The following TMEM143 variants were observed in gnomAD, a reference collection of about 807,000 sequenced individuals.
TMEM143 encodes the protein transmembrane protein 143.
TMEM143 carries 45 observed loss-of-function variants against 40.3 expected under a neutral mutation model. The ratio of observed to expected loss-of-function variants is 1.12; its 90% CI spans 0.88 to 1.43. TMEM143 has a LOEUF of 1.43. Ranked by LOEUF, TMEM143 falls within the 40% of genes most tolerant of loss-of-function variation. TMEM143 has a pLI of 0.00. For synonymous variants in TMEM143, 299 were observed against 282.7 expected, an observed-to-expected ratio of 1.06 and a Z score of -0.58; for missense variants, 620 against 613.4, an observed-to-expected ratio of 1.01 and a Z score of -0.11.
intron 3 of TMEM143, among the ~76,000 whole-genome samples, chr19:48,354,389 C>T (rs566183533): frequency 2.3e-4 from 34 of 148,408 alleles, no homozygotes; most frequent in Non-Finnish European, 4.3e-4. Flanking sequence ...CTCAGCCTCC[C>T]GAGTAGCTGG....
intron 6 of TMEM143, among the ~76,000 whole-genome samples, chr19:48,341,751 A>G (rs905904092): frequency 2.0e-5 from 3 of 152,124 alleles, no homozygotes; most frequent in Admixed American, 1.3e-4. Flanking sequence ...AGAAGAGAGT[A>G]GAGTCAGATT....
At chr19:48,334,410 TTTTCTCTC>T (rs1176011703) in intron 6 of TMEM143, among the ~76,000 whole-genome samples, 9 of 120,716 alleles carry the variant, frequency 7.5e-5, no homozygotes, top group South Asian at 2.7e-4. Context: ...TTTTCTTTCT[TTTTCTCTC>T]TTTCTTTCTT....
Position 48,343,426 on chromosome 19 carries a change from A to G in TMEM143, c.590T>C (p.Val197Ala). The change falls in exon 5 of 8, where the codon GTC becomes GCC. Residue 197 changes from valine to alanine, a missense_variant. Transcript: ENST00000293261. ...GCCCAGGGCCCAGAAGTGAATGTAGACATACTGATCCAAATTTACTGTCAC... is the reference window on the plus strand; with the variant it reads ...GCCCAGGGCCCAGAAGTGAATGTAGGCATACTGATCCAAATTTACTGTCAC... ...VQVTVNLDQY[V>A]YIHFWALGQR... 6.3e-7 allele frequency: 1 copy of G among 1,585,418 alleles called. No homozygotes were observed. The highest frequency in any genetic ancestry group is 1.1e-5 in the South Asian group (1 of 87,096).
chr19:48,363,647 T>A (rs1220027291), intron 1 of TMEM143, 116 bp from the exon 2 acceptor site: 2 of 1,456,686 alleles, frequency 1.4e-6, no homozygotes, highest in African/African-American at 1.4e-5. Context: ...GCAGAGCCCA[T>A]CCGCTCGCCT....
In TMEM143 at chr19:48,333,486, C is replaced by A; in HGVS notation, c.1166-53G>T. The stretch of plus-strand genomic sequence containing the variant: ...GGTCACACTGAGATCGGGGAAGATT[C>A]GAGGGAGCAGCAAGGAGGGGCGTAG... On this transcript the variant is annotated intron_variant, in intron 7 of 7. Coordinates refer to ENST00000293261, the MANE Select transcript of TMEM143 (RefSeq NM_018273.4). The surrounding 1 kb of genome is among the most constrained non-coding windows in gnomAD (Gnocchi z 4.1). 2 of 1,315,738 alleles carry A rather than the reference C, an allele frequency of 1.5e-6. No homozygotes were observed. The highest frequency in any genetic ancestry group is 2.1e-6 in the Non-Finnish European group (2 of 941,750). The allele number at this position is 1,315,738 out of a possible 1,614,324, so 81.5% of individuals were successfully genotyped here.
chr19:48,351,323 A>G (rs971161700), intron 3 of TMEM143, among the ~76,000 whole-genome samples: 2 of 152,130 alleles, frequency 1.3e-5, no homozygotes, highest in Non-Finnish European at 2.9e-5. Flanking sequence ...TCGTGATGGT[A>G]ACACATTCAA....
rs910684143 is a variant in TMEM143 at position 48,348,299 on chromosome 19, C to T, written c.370-2945G>A. Among the ~76,000 whole-genome samples, 138 of 152,242 alleles carry T rather than the reference C, an allele frequency of 9.1e-4. 2 individuals are homozygous for T. The highest frequency in any genetic ancestry group is 4.3e-4 in the Non-Finnish European group (29 of 68,024). On this transcript the variant is annotated intron_variant, in intron 3 of 7. Transcript: ENST00000293261. ...TTGGGCCAAAAACCTGGACATTGCA[C>T]GTGATCCCTGTTGCTCCCTTCCCTG...
At position 48,334,174 on chromosome 19, in the gene TMEM143, C is replaced by T; in HGVS notation, c.999G>A (p.Ala333=). 6.2e-7 allele frequency: 1 copy of T among 1,604,558 alleles called. No homozygotes were observed. Among genetic ancestry groups the T allele is most frequent in the African/African-American group, 1.3e-5 (1 of 74,876 alleles). The stretch of plus-strand genomic sequence containing the variant: ...GCATGTGCGCCAGCTCCAACGCCTG[C>T]GCGCTGCGCCGCTGCCCGAACATCT... The part of the protein sequence containing the change: ...ASKMFGQRRS[A]QALELAHMLY... The change falls in exon 7 of 8, where the codon GCG becomes GCA. Residue 333 remains alanine, a synonymous_variant. Transcript: ENST00000293261.
chr19:48,333,159 T>A lies in TMEM143; in HGVS notation c.*60A>T. 7.8e-7 allele frequency: 1 copy of A among 1,281,806 alleles called. No individual in the cohort carries two copies. Among genetic ancestry groups the A allele is most frequent in the East Asian group, 2.6e-5 (1 of 38,348 alleles). 79.4% of individuals were successfully genotyped at this position (1,281,806 alleles called of 1,614,324 possible). A position where few individuals can be genotyped will look rare whatever the true frequency, so the allele number is the denominator to read the frequency against. On this transcript the variant is annotated 3_prime_UTR_variant, in exon 8 of 8. Coordinates refer to ENST00000293261, the MANE Select transcript of TMEM143 (RefSeq NM_018273.4). This position sits in a 1 kb window ranked among gnomAD's most constrained non-coding sequence, Gnocchi z 4.1. ...TATAATAACCGTAATTGACAGCCTG[T>A]CGTGAAGGAGGCGGGGCTTAGTTCC... is the stretch of plus-strand genomic sequence containing the variant.
At chr19:48,355,993 G>A (rs1969882109) in intron 3 of TMEM143, among the ~76,000 whole-genome samples, 1 of 152,216 alleles carries the variant, frequency 6.6e-6, no homozygotes, top group Non-Finnish European at 1.5e-5. Context: ...TGGCAGTACT[G>A]CTTGCGTGTT....
At position 48,333,318 on chromosome 19, in the gene TMEM143, G is replaced by C; in HGVS notation, c.1281C>G (p.Ser427Arg). ...AACCCGGGGGTGGGTACAATCCCAT[G>C]CTGGGGGTCAGGGCCTGCAGATGCG... ...ALAHLQALTP[S>R]MGLYPPPGFP... Residue 427 changes from serine to arginine, a missense_variant, in exon 8 of 8, where the codon AGC becomes AGG. Ser to Arg is a moderately radical substitution (Grantham distance 110). Coordinates refer to ENST00000293261, the MANE Select transcript of TMEM143 (RefSeq NM_018273.4). This position sits in a 1 kb window ranked among gnomAD's most constrained non-coding sequence, Gnocchi z 4.1. 6.2e-7 allele frequency: 1 copy of C among 1,607,724 alleles called. No homozygotes were observed.
intron 6 of TMEM143, among the ~76,000 whole-genome samples, chr19:48,341,267 G>A (rs888882656): frequency 1.1e-4 from 16 of 152,222 alleles, no homozygotes; most frequent in African/African-American, 3.6e-4. Flanking sequence ...CGGAGCACAA[G>A]TTGGGTGTCA....
intron 4 of TMEM143, among the ~76,000 whole-genome samples, chr19:48,343,984 C>T (rs1216286529): frequency 6.6e-6 from 1 of 152,006 alleles, no homozygotes; most frequent in Non-Finnish European, 1.5e-5. Context: ...CCTCCTGGGT[C>T]CAAGTGATTC....
chr19:48,334,416 C>CTTTCTT (rs1229512928), intron 6 of TMEM143, among the ~76,000 whole-genome samples: 4 of 108,200 alleles, frequency 3.7e-5, no homozygotes, highest in South Asian at 2.9e-4. Flanking sequence ...TTCTTTTTCT[C>CTTTCTT]TCTTTCTTTC....
At chr19:48,363,725 G>A in intron 1 of TMEM143, 173 bp downstream of exon 1, 1 of 1,367,736 alleles carries the variant, frequency 7.3e-7, no homozygotes, top group Non-Finnish European at 1.0e-6. Flanking sequence ...AGGGGTCAGA[G>A]GTCTTAGGTT....
Position 48,360,136 on chromosome 19 carries a change from G to A in TMEM143, c.305C>T (p.Ala102Val), listed in dbSNP as rs968805183. The change falls in exon 3 of 8, where the codon GCG becomes GTG. Residue 102 changes from alanine (A) to valine (V), a missense_variant. Physicochemically the swap from Ala to Val is moderately conservative, Grantham distance 64. Transcript: ENST00000293261. Reference sequence around the variant, plus strand: ...GCAGAAGTCCACGTGGGCCGAGAACGCCTCCAAAGCCGCCTTCTCTGCCGG... The same window carrying A: ...GCAGAAGTCCACGTGGGCCGAGAACACCTCCAAAGCCGCCTTCTCTGCCGG... ...SSPAEKAALEAFSAHVDFCTL... is the reference protein window; with the variant it reads ...SSPAEKAALEVFSAHVDFCTL... 6.2e-6 allele frequency: 10 copies of A among 1,614,000 alleles called. No homozygotes were observed. The highest frequency in any genetic ancestry group is 1.7e-5 in the Admixed American group (1 of 59,990).
chr19:48,339,649 G>A (rs1969445421), intron 6 of TMEM143, among the ~76,000 whole-genome samples: 1 of 151,666 alleles, frequency 6.6e-6, no homozygotes. Flanking sequence ...AATGAAGACA[G>A]AGATCTGGGA....
At chr19:48,354,395 G>A (rs912599501) in intron 3 of TMEM143, among the ~76,000 whole-genome samples, 1 of 151,100 alleles carries the variant, frequency 6.6e-6, no homozygotes, top group African/African-American at 2.4e-5. Flanking sequence ...CTCCCGAGTA[G>A]CTGGGACTAT....
At chr19:48,334,414 CTCTCTTTCTTTCTT>C (rs1228555156) in intron 6 of TMEM143, among the ~76,000 whole-genome samples, 35 of 103,582 alleles carry the variant, frequency 3.4e-4, no homozygotes, top group East Asian at 1.6e-3. Context: ...CTTTCTTTTT[CTCTCTTTCTTTCTT>C]TCTTTCTTTC....
Sources: allele counts gnomAD v4.1 joint callset (sites outside exome capture counted in the v4.1 genomes callset), GRCh38; gene constraint gnomAD v4.1.1; non-coding constraint Gnocchi (gnomAD v3.1); transcripts MANE v1.5; gene names NCBI Gene and HGNC (gene_info 2026-07-23, HGNC 2026-07-21).